ANOS1: variants seen among roughly 807,000 people sequenced by gnomAD.
The protein encoded by ANOS1 is anosmin-1.
ANOS1 carries 6 observed loss-of-function variants against 59.0 expected under a neutral mutation model. The ratio of observed to expected loss-of-function variants is 0.10; its 90% CI spans 0.06 to 0.20. The LOEUF is 0.20. Ranked by LOEUF, ANOS1 falls within the 10% of genes least tolerant of loss-of-function variation. The pLI, the probability that ANOS1 is intolerant of heterozygous loss-of-function variation, is 1.00. For synonymous variants in ANOS1, 217 were observed against 223.4 expected, an observed-to-expected ratio of 0.97 and a Z score of 0.25; for missense variants, 433 against 542.3, an observed-to-expected ratio of 0.80 and a Z score of 2.00.
intron 2 of ANOS1, among the ~76,000 whole-genome samples, chrX:8,684,894 C>A (rs1298722012): frequency 9.1e-6 from 1 of 110,469 alleles, no homozygotes; most frequent in Non-Finnish European, 1.9e-5. Flanking sequence ...CAAGGAAGAT[C>A]TCGGGAACTC....
intron 3 of ANOS1, among the ~76,000 whole-genome samples, chrX:8,619,645 G>A (rs1931254499): frequency 8.9e-6 from 1 of 111,873 alleles, no homozygotes; most frequent in South Asian, 3.7e-4. Context: ...TATTACCTCT[G>A]ACATTAGCCT....
chrX:8,653,858 A>G (rs1931888112), intron 2 of ANOS1, among the ~76,000 whole-genome samples: 1 of 112,265 alleles, frequency 8.9e-6, no homozygotes, highest in Non-Finnish European at 1.9e-5. Context: ...TATCCAGTGC[A>G]TGAGTGAAGA....
At chrX:8,592,241 G>C (rs1303820598) in intron 4 of ANOS1, among the ~76,000 whole-genome samples, 1 of 111,817 alleles carries the variant, frequency 8.9e-6, no homozygotes. Flanking sequence ...TAGAACTCTA[G>C]AATTTGTATT....
intron 6 of ANOS1, among the ~76,000 whole-genome samples, chrX:8,574,882 T>C (rs1399763800): frequency 2.7e-5 from 3 of 111,578 alleles, no homozygotes; most frequent in African/African-American, 9.8e-5. Flanking sequence ...GAACCGTGAC[T>C]AATACACAAA....
At chrX:8,685,521 A>G (rs1283753100) in intron 2 of ANOS1, among the ~76,000 whole-genome samples, 1 of 104,435 alleles carries the variant, frequency 9.6e-6, no homozygotes, top group African/African-American at 3.5e-5. Flanking sequence ...AAAGAAAGAG[A>G]AAGAGAGAGA....
intron 9 of ANOS1, among the ~76,000 whole-genome samples, chrX:8,548,186 T>C (rs1249229450): frequency 8.9e-6 from 1 of 112,375 alleles, no homozygotes; most frequent in Non-Finnish European, 1.9e-5. Context: ...TTTTTTTCTA[T>C]ATTTCCTTTG....
chrX:8,595,643 A>G (rs1012279579), intron 4 of ANOS1, among the ~76,000 whole-genome samples: 2 of 111,904 alleles, frequency 1.8e-5, no homozygotes, highest in East Asian at 2.8e-4. Context: ...TTTTTTAAGT[A>G]CCAGTATTTA....
intron 1 of ANOS1, among the ~76,000 whole-genome samples, chrX:8,721,082 C>T (rs774596399): frequency 3.6e-5 from 4 of 111,592 alleles, no homozygotes; most frequent in Admixed American, 9.5e-5. Context: ...GTACGTGCAC[C>T]ACCAGTCGGG....
chrX:8,664,131 T>C (rs1216902872), intron 2 of ANOS1, among the ~76,000 whole-genome samples: 3 of 112,060 alleles, frequency 2.7e-5, no homozygotes, highest in African/African-American at 9.7e-5. Context: ...TCATGGCACA[T>C]GTTTACCTAC....
At chrX:8,635,102 A>C (rs1931551273) in intron 2 of ANOS1, among the ~76,000 whole-genome samples, 1 of 110,897 alleles carries the variant, frequency 9.0e-6, no homozygotes, top group Non-Finnish European at 1.9e-5. Context: ...TAAGGATCCC[A>C]ATTGTCCTTC....
intron 8 of ANOS1, among the ~76,000 whole-genome samples, chrX:8,561,468 T>A (rs1930031254): frequency 3.8e-4 from 3 of 7,863 alleles, no homozygotes; most frequent in Non-Finnish European, 1.2e-3. Flanking sequence ...CCCGGCTAAT[T>A]TTTTTTTTTT....
intron 2 of ANOS1, among the ~76,000 whole-genome samples, chrX:8,658,658 C>T (rs1414429573): frequency 8.9e-6 from 1 of 112,213 alleles, no homozygotes; most frequent in Admixed American, 9.4e-5. Flanking sequence ...CATGGAACAA[C>T]CTCCTTGATG....
At chrX:8,659,921 G>A (rs925876870) in intron 2 of ANOS1, among the ~76,000 whole-genome samples, 18 of 111,362 alleles carry the variant, frequency 1.6e-4, no homozygotes, top group Admixed American at 1.3e-3. Context: ...GAGCCACTGC[G>A]CCCAGCTTGT....
chrX:8,725,519 GAT>G (rs762026873), intron 1 of ANOS1, among the ~76,000 whole-genome samples: 9 of 62,360 alleles, frequency 1.4e-4, no homozygotes, highest in African/African-American at 2.2e-4. Context: ...ATTATATACA[GAT>G]ATATATATAT....
At chrX:8,682,304 G>GAA (rs1209359282) in intron 2 of ANOS1, among the ~76,000 whole-genome samples, 1 of 77,677 alleles carries the variant, frequency 1.3e-5, no homozygotes. Context: ...CTACAGAGAA[G>GAA]AAAAAAAAAA....
chrX:8,594,658 G>GTATATATATATATA (rs767812487), intron 4 of ANOS1, among the ~76,000 whole-genome samples: 41 of 33,538 alleles, frequency 1.2e-3, no homozygotes, highest in East Asian at 5.1e-3. Flanking sequence ...ATATATATGT[G>GTATATATATATATA]TATATATATA....
chrX:8,660,674 T>C (rs1006805829), intron 2 of ANOS1, among the ~76,000 whole-genome samples: 3 of 112,021 alleles, frequency 2.7e-5, no homozygotes, highest in African/African-American at 3.3e-5. Flanking sequence ...AACTATGATA[T>C]AATCTTGTTG....
At chrX:8,571,743 T>C (rs1930236328) in intron 6 of ANOS1, among the ~76,000 whole-genome samples, 1 of 112,098 alleles carries the variant, frequency 8.9e-6, no homozygotes, top group Non-Finnish European at 1.9e-5. Context: ...CATTTTCTAT[T>C]ACAAATTGAG....
At chrX:8,641,059 A>T (rs1022417682) in intron 2 of ANOS1, among the ~76,000 whole-genome samples, 3 of 112,625 alleles carry the variant, frequency 2.7e-5, no homozygotes, top group Non-Finnish European at 5.6e-5. Flanking sequence ...TAAGCCTTTT[A>T]AAATGATGAG....
Sources: allele counts gnomAD v4.1 joint callset (sites outside exome capture counted in the v4.1 genomes callset), GRCh38; gene constraint gnomAD v4.1.1; transcripts MANE v1.5; gene names NCBI Gene and HGNC (gene_info 2026-07-23, HGNC 2026-07-21).